Variants in CCDC102A observed in about 807,000 individuals in gnomAD.
CCDC102A encodes coiled-coil domain-containing protein 102A.
In CCDC102A, 40 loss-of-function variants were observed where a neutral mutation model predicts 55.5. That is an observed-to-expected ratio of 0.72 (90% confidence interval 0.56 to 0.94). The LOEUF (loss-of-function observed/expected upper bound fraction) is 0.94, where lower values mean the gene tolerates loss of function less well. Ranked by LOEUF, CCDC102A falls within the 40% of genes least tolerant of loss-of-function variation. The pLI is 0.00. For missense variants in CCDC102A, 779 were observed against 768.6 expected, an observed-to-expected ratio of 1.01 and a Z score of -0.16; for synonymous variants, 323 against 339.0, an observed-to-expected ratio of 0.95 and a Z score of 0.52.
chr16:57,525,954 G>A lies in CCDC102A; in HGVS notation c.759C>T (p.Thr253=), dbSNP rs753522768. ...AATEEEASKL[T]ALRLRLDESQ... ...ACTCATCCAGCCGTAGCCGCAGGGC[G>A]GTCAACTTGGAGGCCTCCTCCTCCG... The change falls in exon 3 of 9, where the codon ACC becomes ACT. Residue 253 remains threonine, a synonymous_variant. Coordinates refer to ENST00000258214, the MANE Select transcript of CCDC102A (RefSeq NM_033212.4). The A allele has an allele frequency of 3.8e-5, 62 of 1,612,022 alleles. No individual in the cohort carries two copies. The highest frequency in any genetic ancestry group is 1.9e-4 in the Admixed American group (11 of 59,426).
Position 57,512,296 on chromosome 16 carries a change from C to T in CCDC102A, c.*445G>A, listed in dbSNP as rs1598068017. ...CCCACATCTGCCATACTTTCAGATG[C>T]CCCAAGAACTTGAACTTCATTTATT... On this transcript the variant is annotated 3_prime_UTR_variant, in exon 9 of 9. Transcript: ENST00000258214. 5.0e-6 allele frequency: 2 copies of T among 397,878 alleles called. No homozygotes were observed. The highest frequency in any genetic ancestry group is 8.9e-6 in the Non-Finnish European group (2 of 225,988). The allele number at this position is 397,878 out of a possible 1,614,324, so 24.6% of individuals were successfully genotyped here.
rs186910892 is a variant in CCDC102A, at chr16:57,512,526, G to T, written c.*215C>A. Reference sequence around the variant, plus strand: ...GACTTCTGGGTGTGCGCGCGCGCGCGCGCGTGTGTGTATATATATATATAA... The same window carrying T: ...GACTTCTGGGTGTGCGCGCGCGCGCTCGCGTGTGTGTATATATATATATAA... On this transcript the variant is annotated 3_prime_UTR_variant, in exon 9 of 9. Coordinates refer to ENST00000258214, the MANE Select transcript of CCDC102A (RefSeq NM_033212.4). 4.1e-6 allele frequency: 2 copies of T among 488,214 alleles called. No homozygotes were observed. Among genetic ancestry groups the T allele is most frequent in the Admixed American group, 7.5e-5 (2 of 26,526 alleles). The allele number at this position is 488,214 out of a possible 1,614,324, so 30.2% of individuals were successfully genotyped here.
chr16:57,525,769 C>T (rs1374090901), intron 3 of CCDC102A, 132 bp downstream of exon 3: 9 of 799,480 alleles, frequency 1.1e-5, no homozygotes, highest in Non-Finnish European at 1.8e-5. Flanking sequence ...GGTGGAACAC[C>T]ACTGCTCTAC....
At chr16:57,524,773 A>C (rs75572318) in intron 3 of CCDC102A, among the ~76,000 whole-genome samples, 1 of 152,186 alleles carries the variant, frequency 6.6e-6, no homozygotes, top group African/African-American at 2.4e-5. Context: ...ATTTCTGGAC[A>C]GAAAAACTGC....
intron 3 of CCDC102A, among the ~76,000 whole-genome samples, chr16:57,523,982 C>A (rs917320476): frequency 1.3e-5 from 2 of 152,074 alleles, no homozygotes; most frequent in African/African-American, 4.8e-5. Flanking sequence ...TCTGCCAGGG[C>A]CAGGCATCAT....
chr16:57,523,830 C>T (rs2032090553), intron 3 of CCDC102A, among the ~76,000 whole-genome samples: 1 of 151,958 alleles, frequency 6.6e-6, no homozygotes, highest in South Asian at 2.1e-4. Context: ...TTTTAGCCAC[C>T]CTCTGGGTTG....
intron 3 of CCDC102A, among the ~76,000 whole-genome samples, chr16:57,523,300 A>T (rs1200163586): frequency 6.6e-6 from 1 of 152,182 alleles, no homozygotes; most frequent in Non-Finnish European, 1.5e-5. Flanking sequence ...GTCCAAGATC[A>T]AGCTGTTGGC....
At position 57,521,150 on chromosome 16, in the gene CCDC102A, A is replaced by G. The variant is rs1418758928; in HGVS notation, c.839T>C (p.Ile280Thr). 4 of 1,613,328 alleles carry G rather than the reference A, an allele frequency of 2.5e-6. No homozygotes were observed. The highest frequency in any genetic ancestry group is 2.5e-6 in the Non-Finnish European group (3 of 1,179,932). Reference sequence around the variant, plus strand: ...GCTGAGCTCCCCCTCTAGCTTCTCAATGTTCCTGCTCAACGCCAGTTTATC... The same window carrying G: ...GCTGAGCTCCCCCTCTAGCTTCTCAGTGTTCCTGCTCAACGCCAGTTTATC... ...REDKLALSRN[I>T]EKLEGELSQW... The change falls in exon 4 of 9, where the codon ATT becomes ACT. Residue 280 changes from isoleucine (I) to threonine (T), a missense_variant. Ile to Thr is a moderately conservative substitution (Grantham distance 89). Transcript: ENST00000258214.
chr16:57,515,499 C>T (rs2031940710), intron 7 of CCDC102A, 55 bp from the exon 8 acceptor site: 14 of 1,167,598 alleles, frequency 1.2e-5, no homozygotes, highest in African/African-American at 6.0e-5. Flanking sequence ...TGGGCAAGGC[C>T]GGCCACCCGC....
chr16:57,521,250 C>T, intron 3 of CCDC102A, 74 bp from the exon 4 acceptor site: 2 of 1,126,520 alleles, frequency 1.8e-6, no homozygotes, highest in Non-Finnish European at 2.7e-6. Context: ...GGTGGCCCTG[C>T]TGTGTGCCCT....
chr16:57,512,952 G>T, intron 8 of CCDC102A, 82 bp from the exon 9 acceptor site: 1 of 1,238,888 alleles, frequency 8.1e-7, no homozygotes, highest in Non-Finnish European at 1.2e-6. Flanking sequence ...TGCTGGAGCA[G>T]TTAAGCCTTC....
chr16:57,530,659 G>A (rs2032240404), intron 1 of CCDC102A, among the ~76,000 whole-genome samples: 1 of 152,068 alleles, frequency 6.6e-6, no homozygotes, highest in Admixed American at 6.5e-5. Flanking sequence ...GCCCCTGAGA[G>A]GACAGAGGGG....
In CCDC102A at chr16:57,512,735, G is replaced by A; in HGVS notation, c.*6C>T. The A allele has an allele frequency of 6.2e-7, 1 of 1,612,922 alleles. No individual in the cohort carries two copies. Among genetic ancestry groups the A allele is most frequent in the Non-Finnish European group, 8.5e-7 (1 of 1,179,304 alleles). On this transcript the variant is annotated 3_prime_UTR_variant, in exon 9 of 9. Transcript: ENST00000258214. ...GGCGGCCCATCCTGCCCAGCCACAG[G>A]AAGCTCTAGGCCACCTGGATTTGCA...
intron 3 of CCDC102A, among the ~76,000 whole-genome samples, chr16:57,523,333 C>T (rs1299126114): frequency 2.0e-5 from 3 of 152,112 alleles, no homozygotes; most frequent in Admixed American, 6.6e-5. Flanking sequence ...CTGAGGGCTG[C>T]GAGAAAGAAT....
intron 1 of CCDC102A, among the ~76,000 whole-genome samples, chr16:57,534,864 G>A (rs2032341783): frequency 1.3e-5 from 2 of 152,222 alleles, no homozygotes; most frequent in Admixed American, 6.5e-5. Context: ...TTTACCTGGG[G>A]AAGCCTAATT....
intron 1 of CCDC102A, among the ~76,000 whole-genome samples, chr16:57,530,652 CCT>C (rs1423765043): frequency 6.6e-6 from 1 of 152,110 alleles, no homozygotes; most frequent in African/African-American, 2.4e-5. Context: ...CCTCTCTGCC[CCT>C]GAGAGGACAG....
At position 57,518,055 on chromosome 16, in the gene CCDC102A, C is replaced by G. The variant is rs750697438; in HGVS notation, c.1248+13G>C. On this transcript the variant is annotated intron_variant, in intron 6 of 8. Coordinates refer to ENST00000258214, the MANE Select transcript of CCDC102A (RefSeq NM_033212.4). Reference sequence around the variant, plus strand: ...GGCAGCCCCAGCACTGGCCACTCCACTCCTTGCCCCACCTTGTTCTTCTCG... The same window carrying G: ...GGCAGCCCCAGCACTGGCCACTCCAGTCCTTGCCCCACCTTGTTCTTCTCG... 1 of 1,586,908 alleles carries G rather than the reference C, an allele frequency of 6.3e-7. No homozygotes were observed. Among genetic ancestry groups the G allele is most frequent in the Non-Finnish European group, 8.6e-7 (1 of 1,168,414 alleles).
chr16:57,519,239 C>A (rs1189879693), intron 4 of CCDC102A, among the ~76,000 whole-genome samples: 1 of 152,234 alleles, frequency 6.6e-6, no homozygotes, highest in African/African-American at 2.4e-5. Context: ...TTTGCACATG[C>A]GTGGATCTTT....
chr16:57,518,281 C>A lies in CCDC102A; in HGVS notation c.1039-4G>T. Reference sequence around the variant, plus strand: ...TTTCGGCCTGCAGCCGCTCCATCTGCAGCAGGGCAGGGCAGAGTGAGGACT... The same window carrying A: ...TTTCGGCCTGCAGCCGCTCCATCTGAAGCAGGGCAGGGCAGAGTGAGGACT... On this transcript the variant is annotated splice_polypyrimidine_tract_variant and splice_region_variant and intron_variant, in intron 5 of 8. Coordinates refer to ENST00000258214, the MANE Select transcript of CCDC102A (RefSeq NM_033212.4). 1 of 1,607,104 alleles carries A rather than the reference C, an allele frequency of 6.2e-7. No individual in the cohort carries two copies.
Sources: gnomAD v4.1 joint callset for allele counts (sites outside exome capture counted in the v4.1 genomes callset) on GRCh38, gnomAD v4.1.1 for gene constraint, MANE v1.5 for transcripts, NCBI Gene and HGNC (gene_info 2026-07-23, HGNC 2026-07-21) for gene names.